KCTD9: variants seen among roughly 807,000 people sequenced by gnomAD.
KCTD9 encodes the protein BTB/POZ domain-containing protein KCTD9.
KCTD9 carries 17 observed loss-of-function variants against 53.3 expected under a neutral mutation model. That is an observed-to-expected ratio of 0.32 (90% CI 0.22 to 0.48). The LOEUF (loss-of-function observed/expected upper bound fraction) is 0.48, where lower values mean the gene tolerates loss of function less well. Among genes scored for constraint, KCTD9 ranks in the 20% least tolerant of loss-of-function variants. The pLI is 0.99. For missense variants in KCTD9, 179 were observed against 465.5 expected (o/e 0.38, Z 5.66); for synonymous variants, 128 against 162.7 (o/e 0.79, Z 1.62).
chr8:25,431,624 A>T (rs1801932508), intron 11 of KCTD9, among the ~76,000 whole-genome samples: 1 of 152,176 alleles, frequency 6.6e-6, no homozygotes, highest in Non-Finnish European at 1.5e-5. Context: ...CCAAGGAAAA[A>T]AATATAATCT....
chr8:25,458,266 C>T lies in KCTD9; in HGVS notation c.-20G>A, dbSNP rs762251588. ...CCTCATCGCGCTGCCCCCGCTGGGT[C>T]CTGAGTGAGCCGCCACCCTCCCACC... On this transcript the variant is annotated 5_prime_UTR_variant, in exon 1 of 12. Transcript: ENST00000221200. The T allele has an allele frequency of 6.2e-7, 1 of 1,607,752 alleles. No individual in the cohort carries two copies. The highest frequency in any genetic ancestry group is 1.1e-5 in the South Asian group (1 of 90,900).
At chr8:25,453,924 G>C (rs529055675) in intron 1 of KCTD9, among the ~76,000 whole-genome samples, 1 of 152,140 alleles carries the variant, frequency 6.6e-6, no homozygotes, top group Non-Finnish European at 1.5e-5. Flanking sequence ...GCCCTCACTA[G>C]GTTCTTATTA....
At chr8:25,430,282 C>CTGA (rs1801902725) in intron 11 of KCTD9, among the ~76,000 whole-genome samples, 2 of 152,200 alleles carry the variant, frequency 1.3e-5, no homozygotes, top group Non-Finnish European at 2.9e-5. Context: ...GGGCCACAGA[C>CTGA]TGATACTGGT....
rs1586428139 is a variant in KCTD9, at chr8:25,439,787, G to A, written c.312-123C>T. 50 of 1,519,146 alleles carry A rather than the reference G, an allele frequency of 3.3e-5. No homozygotes were observed. In the East Asian group the frequency reaches 1.2e-3, roughly 36 times the overall value. The allele number at this position is 1,519,146 out of a possible 1,614,324, so 94.1% of individuals were successfully genotyped here. A position where few individuals can be genotyped will look rare whatever the true frequency, so the allele number is the denominator to read the frequency against. ...AGATGCATGCTACAACCTGGTAGGA[G>A]TAACGCTGGGAAACAAAAACGTGCA... On this transcript the variant is annotated intron_variant, in intron 4 of 11. Coordinates refer to ENST00000221200, the MANE Select transcript of KCTD9 (RefSeq NM_017634.4).
At chr8:25,458,169 G>GCCCCCCCC in intron 1 of KCTD9, 30 bp downstream of exon 1, 1 of 1,460,176 alleles carries the variant, frequency 6.8e-7, no homozygotes, top group Non-Finnish European at 9.4e-7. Flanking sequence ...CCGACCCCCG[G>GCCCCCCCC]CCCGCCGCGC....
At chr8:25,436,051 CTAT>C (rs1802010328) in intron 8 of KCTD9, among the ~76,000 whole-genome samples, 181 bp downstream of exon 8, 1 of 152,156 alleles carries the variant, frequency 6.6e-6, no homozygotes, top group Non-Finnish European at 1.5e-5. Context: ...TTTAAAAAGG[CTAT>C]TATTGCATCT....
intron 1 of KCTD9, among the ~76,000 whole-genome samples, chr8:25,449,879 G>A (rs1319635571): frequency 6.6e-6 from 1 of 151,980 alleles, no homozygotes; most frequent in East Asian, 1.9e-4. Context: ...GCTTTCCCAT[G>A]ACATAGGAAC....
At chr8:25,446,481 C>T (rs1172337399) in intron 1 of KCTD9, among the ~76,000 whole-genome samples, 1 of 152,188 alleles carries the variant, frequency 6.6e-6, no homozygotes, top group Non-Finnish European at 1.5e-5. Flanking sequence ...AAACAATCTA[C>T]AATCCTAAGG....
chr8:25,458,056 T>G, intron 1 of KCTD9, 143 bp downstream of exon 1: 1 of 762,752 alleles, frequency 1.3e-6, no homozygotes, highest in South Asian at 1.8e-5. Context: ...GGGGACCCTG[T>G]GCTGTCCCCG....
At chr8:25,435,226 T>A (rs752160878) in intron 9 of KCTD9, 137 bp downstream of exon 9, 7 of 564,090 alleles carry the variant, frequency 1.2e-5, no homozygotes, top group African/African-American at 1.9e-5. Flanking sequence ...TTTAGTCTTA[T>A]ATCAACATAA....
intron 4 of KCTD9, among the ~76,000 whole-genome samples, chr8:25,440,024 T>C (rs140805443): frequency 3.0e-4 from 45 of 152,238 alleles, no homozygotes; most frequent in African/African-American, 1.1e-3. Context: ...TTTTTACTTA[T>C]ATTGTGTGTT....
intron 2 of KCTD9, among the ~76,000 whole-genome samples, chr8:25,445,716 A>G (rs1802203136): frequency 6.6e-6 from 1 of 152,224 alleles, no homozygotes; most frequent in Admixed American, 6.5e-5. Context: ...ATTCTATCAT[A>G]TTTATAAAGT....
intron 1 of KCTD9, among the ~76,000 whole-genome samples, chr8:25,454,811 TA>T (rs912040492): frequency 6.6e-6 from 1 of 152,264 alleles, no homozygotes; most frequent in African/African-American, 2.4e-5. Context: ...TGTTAGAAAG[TA>T]CATGTTTTCC....
rs536470791 is a variant in KCTD9 at position 25,429,622 on chromosome 8, A to G, written c.*235T>C. ...CCCCTACCCCATTCAAAAGGCAGCAATATCTAGTTTCCCTACATCTATTAA... is the reference window on the plus strand; with the variant it reads ...CCCCTACCCCATTCAAAAGGCAGCAGTATCTAGTTTCCCTACATCTATTAA... On this transcript the variant is annotated 3_prime_UTR_variant, in exon 12 of 12. Transcript: ENST00000221200. 17 of 384,878 alleles carry G rather than the reference A, an allele frequency of 4.4e-5. No individual in the cohort carries two copies. Among genetic ancestry groups the G allele is most frequent in the African/African-American group, 3.4e-4 (16 of 47,752 alleles). The allele number at this position is 384,878 out of a possible 1,614,324, so 23.8% of individuals were successfully genotyped here.
At chr8:25,440,059 G>GT (rs59794332) in intron 4 of KCTD9, among the ~76,000 whole-genome samples, 47,871 of 131,790 alleles carry the variant, frequency 0.36, 9,010 homozygotes, top group South Asian at 0.4. Flanking sequence ...TAAAAAGCAT[G>GT]TTTTTTTTTT....
At chr8:25,439,091 G>T (rs376324166) in intron 6 of KCTD9, among the ~76,000 whole-genome samples, 188 bp downstream of exon 6, 1 of 152,134 alleles carries the variant, frequency 6.6e-6, no homozygotes, top group Admixed American at 6.5e-5. Flanking sequence ...CCACCTGCCC[G>T]TGCCTAAATC....
chr8:25,431,912 A>G (rs996283889), intron 11 of KCTD9, among the ~76,000 whole-genome samples: 1 of 152,200 alleles, frequency 6.6e-6, no homozygotes, highest in Admixed American at 6.5e-5. Flanking sequence ...TTAAAAATCA[A>G]TTTCTCATTT....
intron 1 of KCTD9, among the ~76,000 whole-genome samples, chr8:25,453,578 G>A (rs1241245330): frequency 6.6e-6 from 1 of 151,416 alleles, no homozygotes; most frequent in East Asian, 1.9e-4. Flanking sequence ...GCTTGAACCC[G>A]GGAGGCGGAG....
rs1247977211 is a variant in KCTD9, at chr8:25,439,282, A to G, written c.496T>C (p.Leu166=). 2 of 1,589,694 alleles carry G rather than the reference A, an allele frequency of 1.3e-6. No individual in the cohort carries two copies. Among genetic ancestry groups the G allele is most frequent in the Non-Finnish European group, 1.7e-6 (2 of 1,170,100 alleles). Residue 166 remains leucine (L), a synonymous_variant, in exon 6 of 12, where the codon TTG becomes CTG. Transcript: ENST00000221200. ...TTGAAAGTCTAAATAAACTCACCCA[A>G]TAAATTAATGCCATCATTTACAATG... The part of the protein sequence containing the change: ...QLIVNDGINL[L]GVLEEARFFG...
Sources: allele counts gnomAD v4.1 joint callset (sites outside exome capture counted in the v4.1 genomes callset), GRCh38; gene constraint gnomAD v4.1.1; transcripts MANE v1.5; gene names NCBI Gene and HGNC (gene_info 2026-07-23, HGNC 2026-07-21).